The following CYP2E1 variants were observed in gnomAD, a reference collection of about 807,000 sequenced individuals.
CYP2E1 encodes cytochrome P450 2E1.
A neutral mutation model predicts 42.9 loss-of-function variants in CYP2E1; 31 were observed. The ratio of observed to expected loss-of-function variants is 0.72; its 90% CI spans 0.54 to 0.98. The LOEUF is 0.98. Among genes scored for constraint, CYP2E1 ranks in the 50% least tolerant of loss-of-function variants. CYP2E1 has a pLI of 0.00. For missense variants in CYP2E1, 565 were observed against 633.2 expected (o/e 0.89, Z 1.16); for synonymous variants, 244 against 248.9 (o/e 0.98, Z 0.19).
At chr10:133,537,389 A>C in intron 7 of CYP2E1, 139 bp downstream of exon 7, 3 of 803,620 alleles carry the variant, frequency 3.7e-6, no homozygotes, top group Non-Finnish European at 2.0e-6. Context: ...CCCCACTCCC[A>C]CCCTGTGGGA....
intron 6 of CYP2E1, among the ~76,000 whole-genome samples, chr10:133,535,598 A>G (rs1441414693): frequency 6.6e-6 from 1 of 152,244 alleles, no homozygotes; most frequent in African/African-American, 2.4e-5. Flanking sequence ...GAACCATGGA[A>G]TCAAAAAATG....
rs1335375895 is a variant in CYP2E1, at chr10:133,537,142, C to T, written c.1047C>T (p.Tyr349=). The change falls in exon 7 of 9, where the codon TAC becomes TAT. Residue 349 remains tyrosine (Y), a synonymous_variant. Transcript: ENST00000252945. The part of the protein sequence containing the change: ...PAIKDRQEMP[Y]MDAVVHEIQR... ...TCAAGGATAGGCAAGAGATGCCCTA[C>T]ATGGATGCTGTGGTGCATGAGATTC... 1 of 1,613,384 alleles carries T rather than the reference C, an allele frequency of 6.2e-7. No individual in the cohort carries two copies. Among genetic ancestry groups the T allele is most frequent in the Non-Finnish European group, 8.5e-7 (1 of 1,179,468 alleles).
intron 4 of CYP2E1, 34 bp downstream of exon 4, chr10:133,532,318 C>T (rs1355454332): frequency 1.3e-6 from 2 of 1,594,142 alleles, no homozygotes; most frequent in South Asian, 2.2e-5. Context: ...CAGTCATCAA[C>T]TGTAGAGTTT....
At chr10:133,532,012 C>A in intron 3 of CYP2E1, 112 bp from the exon 4 acceptor site, 2 of 1,008,206 alleles carry the variant, frequency 2.0e-6, no homozygotes, top group Admixed American at 4.4e-5. Context: ...CGTAAACTGG[C>A]AGTTTTCAGG....
rs771934836 is a variant in CYP2E1 at position 133,537,712 on chromosome 10, G to T, written c.1156-39G>T. 3.2e-6 allele frequency: 5 copies of T among 1,582,942 alleles called. No homozygotes were observed. In the South Asian group the frequency reaches 5.7e-5, roughly 18 times the overall value. ...GTTTCCAGATGAAAGCCCACATTTT[G>T]TTAACATGACTCACTGAGACAGTCT... On this transcript the variant is annotated intron_variant, in intron 7 of 8. Transcript: ENST00000252945.
rs1366447337 is a variant in CYP2E1 at position 133,535,991 on chromosome 10, G to A, written c.968-1072G>A. Among the ~76,000 whole-genome samples, 12 of 152,148 alleles carry A rather than the reference G, an allele frequency of 7.9e-5. 1 individual carries two copies. The highest frequency in any genetic ancestry group is 5.9e-4 in the Admixed American group (9 of 15,278). ...AACTCCAAACACGGGGAGGCTAGGC[G>A]ACTTGCTCAAGGCAGCTGTTACCTC... On this transcript the variant is annotated intron_variant, in intron 6 of 8. Transcript: ENST00000252945.
chr10:133,530,369 C>T (rs1349347307), intron 2 of CYP2E1, among the ~76,000 whole-genome samples: 1 of 152,092 alleles, frequency 6.6e-6, no homozygotes, highest in Non-Finnish European at 1.5e-5. Flanking sequence ...CTCGGGATGT[C>T]CTCCACTCAA....
chr10:133,530,573 G>A (rs2133594728), intron 2 of CYP2E1, among the ~76,000 whole-genome samples: 1 of 152,318 alleles, frequency 6.6e-6, no homozygotes, highest in African/African-American at 2.4e-5. Flanking sequence ...CACTTTCTGA[G>A]CACCCTGCAG....
chr10:133,529,258 C>G (rs1564847313), intron 2 of CYP2E1, among the ~76,000 whole-genome samples: 2 of 152,228 alleles, frequency 1.3e-5, no homozygotes, highest in African/African-American at 4.8e-5. Context: ...CCTGTTCCCT[C>G]TCTAGGGAGA....
chr10:133,538,565 T>C (rs1321935382), intron 8 of CYP2E1, among the ~76,000 whole-genome samples: 1 of 152,198 alleles, frequency 6.6e-6, no homozygotes, highest in Non-Finnish European at 1.5e-5. Context: ...ATTGAGATTG[T>C]ATGAAGACTG....
chr10:133,532,099 G>A (rs9919386), intron 3 of CYP2E1, 25 bp from the exon 4 acceptor site: 47,158 of 1,606,396 alleles, frequency 0.029, 2,074 homozygotes, highest in African/African-American at 0.2. Flanking sequence ...CCATCTTCTG[G>A]TTGCCCTGAC....
Position 133,532,793 on chromosome 10 carries a change from G to A in CYP2E1, c.750G>A (p.Val250=), listed in dbSNP as rs1283710778. Residue 250 remains valine, a synonymous_variant, in exon 5 of 9, where the codon GTG becomes GTA. Transcript: ENST00000252945. Reference sequence around the variant, plus strand: ...TAAAAGAGTATGTGTCTGAAAGGGTGAAGGAGCACCATCAATCTCTGGACC... The same window carrying A: ...TAAAAGAGTATGTGTCTGAAAGGGTAAAGGAGCACCATCAATCTCTGGACC... ...AEVKEYVSER[V]KEHHQSLDPN... 11 of 1,613,578 alleles carry A rather than the reference G, an allele frequency of 6.8e-6. No individual in the cohort carries two copies. Among genetic ancestry groups the A allele is most frequent in the Non-Finnish European group, 9.3e-6 (11 of 1,179,864 alleles).
In CYP2E1 at chr10:133,537,902, A is replaced by G. The variant is rs200736347; in HGVS notation, c.1297+10A>G. 36 of 1,612,390 alleles carry G rather than the reference A, an allele frequency of 2.2e-5. No individual in the cohort carries two copies. The highest frequency in any genetic ancestry group is 3.1e-5 in the Non-Finnish European group (36 of 1,179,068). ...AAGCCATTTTCCACAGGTGAGAAAG[A>G]TCAGAGGCAGTACCTTCCCTTGAGG... On this transcript the variant is annotated intron_variant, in intron 8 of 8. Coordinates refer to ENST00000252945, the MANE Select transcript of CYP2E1 (RefSeq NM_000773.4).
Position 133,533,743 on chromosome 10 carries a change from TC to T in CYP2E1, c.826-11del, listed in dbSNP as rs2133597156. 6.2e-7 allele frequency: 1 copy of T among 1,613,674 alleles called. No individual in the cohort carries two copies. Among genetic ancestry groups the T allele is most frequent in the South Asian group, 1.1e-5 (1 of 91,018 alleles). On this transcript the variant is annotated splice_polypyrimidine_tract_variant and intron_variant, in intron 5 of 8. Transcript: ENST00000252945. ...GCAGCCCCTTCTCCTCCGGTCTGTCTCCGGTATCACAGGAAAAGCACAGTGC... is the reference window on the plus strand; with the variant it reads ...GCAGCCCCTTCTCCTCCGGTCTGTCTCGGTATCACAGGAAAAGCACAGTGC...
chr10:133,534,370 T>TCA (rs376294774), intron 6 of CYP2E1, among the ~76,000 whole-genome samples: 2 of 59,746 alleles, frequency 3.3e-5, no homozygotes, highest in African/African-American at 6.7e-5. Context: ...CCCTGGACCC[T>TCA]TGTTCCTTCC....
At chr10:133,535,945 C>A (rs933415423) in intron 6 of CYP2E1, among the ~76,000 whole-genome samples, 6 of 152,204 alleles carry the variant, frequency 3.9e-5, no homozygotes, top group Non-Finnish European at 8.8e-5. Flanking sequence ...TTTCACTCAA[C>A]ATATGATGAT....
chr10:133,531,196 A>T (rs1027586666), intron 2 of CYP2E1, among the ~76,000 whole-genome samples: 1 of 152,168 alleles, frequency 6.6e-6, no homozygotes, highest in African/African-American at 2.4e-5. Context: ...GCTTTTCAAG[A>T]ATGTTGTCGA....
chr10:133,530,849 T>TA (rs1410864714), intron 2 of CYP2E1, among the ~76,000 whole-genome samples: 1 of 151,996 alleles, frequency 6.6e-6, no homozygotes, highest in South Asian at 2.1e-4. Flanking sequence ...TGGGAGAAAA[T>TA]AAAAAGGTTT....
At position 133,528,532 on chromosome 10, in the gene CYP2E1, A is replaced by T; in HGVS notation, c.229A>T (p.Met77Leu). 6.2e-7 allele frequency: 1 copy of T among 1,613,404 alleles called. No individual in the cohort carries two copies. Among genetic ancestry groups the T allele is most frequent in the Non-Finnish European group, 8.5e-7 (1 of 1,179,938 alleles). Residue 77 changes from methionine to leucine, a missense_variant, in exon 2 of 9, where the codon ATG (methionine) becomes TTG (leucine). Transcript: ENST00000252945. ...VFTLYVGSQRMVVMHGYKAVK... is the reference protein window; with the variant it reads ...VFTLYVGSQRLVVMHGYKAVK... Reference sequence around the variant, plus strand: ...CACGCTGTACGTGGGCTCGCAGCGCATGGTGGTGATGCACGGCTACAAGGC... The same window carrying T: ...CACGCTGTACGTGGGCTCGCAGCGCTTGGTGGTGATGCACGGCTACAAGGC...
Sources: allele counts gnomAD v4.1 joint callset (sites outside exome capture counted in the v4.1 genomes callset), GRCh38; gene constraint gnomAD v4.1.1; transcripts MANE v1.5; gene names NCBI Gene and HGNC (gene_info 2026-07-23, HGNC 2026-07-21).